The following TRPC6 variants were observed in gnomAD, a reference collection of about 807,000 sequenced individuals.
TRPC6 encodes short transient receptor potential channel 6.
TRPC6 carries 55 observed loss-of-function variants against 90.7 expected under a neutral mutation model. The ratio of observed to expected loss-of-function variants is 0.61; its 90% CI spans 0.49 to 0.76. The LOEUF is 0.76. Among genes scored for constraint, TRPC6 ranks in the 30% least tolerant of loss-of-function variants. The pLI is 0.00. For synonymous variants in TRPC6, 393 were observed against 393.0 expected, an observed-to-expected ratio of 1.00 and a Z score of 0.00; for missense variants, 989 against 1,122.7, an observed-to-expected ratio of 0.88 and a Z score of 1.70.
intron 10 of TRPC6, among the ~76,000 whole-genome samples, chr11:101,466,760 AAAACAAAC>A (rs564013807): frequency 6.6e-6 from 1 of 152,116 alleles, no homozygotes; most frequent in Non-Finnish European, 1.5e-5. Flanking sequence ...GTATGGGGAA[AAAACAAAC>A]AAACAAAAAA....
intron 10 of TRPC6, among the ~76,000 whole-genome samples, chr11:101,457,497 T>G (rs538715272): frequency 5.4e-4 from 83 of 152,330 alleles, no homozygotes; most frequent in African/African-American, 1.8e-3. Flanking sequence ...GAACAGTTCA[T>G]GGAGTCACCT....
intron 1 of TRPC6, among the ~76,000 whole-genome samples, chr11:101,544,305 T>A (rs890528183): frequency 6.6e-6 from 1 of 152,194 alleles, no homozygotes; most frequent in Admixed American, 6.5e-5. Context: ...GTTCAACCAT[T>A]GTGGAATATA....
At chr11:101,472,871 GAGAAA>G (rs1859324602) in intron 7 of TRPC6, among the ~76,000 whole-genome samples, 1 of 152,028 alleles carries the variant, frequency 6.6e-6, no homozygotes, top group Non-Finnish European at 1.5e-5. Flanking sequence ...CTGTATTTTA[GAGAAA>G]TATGGAAAAC....
At chr11:101,508,214 T>C (rs1297798917) in intron 1 of TRPC6, among the ~76,000 whole-genome samples, 2 of 152,158 alleles carry the variant, frequency 1.3e-5, no homozygotes, top group African/African-American at 4.8e-5. Context: ...GTTTGTTTGC[T>C]TTGGTCTCTG....
intron 1 of TRPC6, among the ~76,000 whole-genome samples, chr11:101,577,081 G>C: frequency 6.6e-6 from 1 of 152,174 alleles, no homozygotes; most frequent in African/African-American, 2.4e-5. Flanking sequence ...ACTCCTAATA[G>C]AAGGGGAGCC....
At chr11:101,482,848 T>C in intron 5 of TRPC6, 101 bp downstream of exon 5, 4 of 1,215,166 alleles carry the variant, frequency 3.3e-6, no homozygotes, top group Non-Finnish European at 3.6e-6. Flanking sequence ...CACTGTATCA[T>C]GCTGCATACA....
intron 1 of TRPC6, among the ~76,000 whole-genome samples, chr11:101,513,386 C>A (rs193239963): frequency 1.3e-5 from 2 of 152,242 alleles, no homozygotes; most frequent in Non-Finnish European, 2.9e-5. Flanking sequence ...GCTCTAGATA[C>A]AATAATTTGA....
At chr11:101,522,517 C>A (rs76672375) in intron 1 of TRPC6, among the ~76,000 whole-genome samples, 1,635 of 152,222 alleles carry the variant, frequency 0.011, 37 homozygotes, top group African/African-American at 0.037. Flanking sequence ...AACACAGTCA[C>A]CTTCTCACTA....
chr11:101,518,043 C>T (rs1338436378), intron 1 of TRPC6, among the ~76,000 whole-genome samples: 3 of 152,188 alleles, frequency 2.0e-5, no homozygotes, highest in African/African-American at 4.8e-5. Flanking sequence ...CAATAATCCT[C>T]AGATCTTAGC....
intron 1 of TRPC6, among the ~76,000 whole-genome samples, chr11:101,577,723 T>C (rs1565254440): frequency 6.6e-6 from 1 of 152,148 alleles, no homozygotes; most frequent in Admixed American, 6.5e-5. Flanking sequence ...ATAAATGAGC[T>C]GGAAGAGCAG....
At position 101,472,178 on chromosome 11, in the gene TRPC6, T is replaced by C. The variant is rs192402680; in HGVS notation, c.2164A>G (p.Met722Val). The change falls in exon 8 of 13, where the codon ATG becomes GTG. Residue 722 changes from methionine (M) to valine (V), a missense_variant. By Grantham distance (21) the Met-to-Val change is conservative (BLOSUM62 1). Around this residue, in one of 4 missense-constraint regions of TRPC6, gnomAD observed 118 missense variants for 197.6 expected, o/e 0.60. Transcript: ENST00000344327. The part of the protein sequence containing the change: ...NVTMVIVLLN[M>V]LIAMINSSFQ... ...GAACTGTTGATCATGGCAATTAACA[T>C]ATTTAGCAAAACAATGACCATCGTA... The C allele has an allele frequency of 6.2e-7, 1 of 1,612,178 alleles. No homozygotes were observed. The highest frequency in any genetic ancestry group is 1.7e-5 in the Admixed American group (1 of 59,998).
chr11:101,550,311 T>C (rs547490480), intron 1 of TRPC6, among the ~76,000 whole-genome samples: 4 of 151,702 alleles, frequency 2.6e-5, no homozygotes, highest in African/African-American at 9.6e-5. Context: ...AACACAAGTA[T>C]GATGTTACAT....
intron 1 of TRPC6, among the ~76,000 whole-genome samples, chr11:101,546,703 C>CA (rs1427772872): frequency 4.6e-5 from 7 of 151,872 alleles, no homozygotes; most frequent in Non-Finnish European, 7.4e-5. Context: ...CAGTGGATTT[C>CA]AAAAAAAGTG....
chr11:101,514,180 C>T (rs1860463422), intron 1 of TRPC6, among the ~76,000 whole-genome samples: 1 of 152,108 alleles, frequency 6.6e-6, no homozygotes, highest in Non-Finnish European at 1.5e-5. Flanking sequence ...TTCATTCATT[C>T]ATCAATTCAA....
intron 5 of TRPC6, among the ~76,000 whole-genome samples, chr11:101,481,377 T>G (rs191447226): frequency 7.0e-4 from 106 of 152,346 alleles, no homozygotes; most frequent in African/African-American, 2.4e-3. Flanking sequence ...AAGTACCATC[T>G]GGAATTGAGG....
intron 1 of TRPC6, among the ~76,000 whole-genome samples, chr11:101,575,125 C>T (rs1862043568): frequency 6.6e-6 from 1 of 152,144 alleles, no homozygotes; most frequent in Non-Finnish European, 1.5e-5. Context: ...GTGGTTAAAT[C>T]CCCAGTTTCA....
In TRPC6 at chr11:101,453,707, T is replaced by C. The variant is rs764961245; in HGVS notation, c.2587A>G (p.Ile863Val). The C allele has an allele frequency of 5.0e-6, 8 of 1,613,824 alleles. No individual in the cohort carries two copies. In the South Asian group the frequency reaches 7.7e-5, roughly 16 times the overall value. Residue 863 changes from isoleucine to valine, a missense_variant, in exon 12 of 13, where the codon ATT becomes GTT. Around this residue, in one of 4 missense-constraint regions of TRPC6, gnomAD observed 191 missense variants for 196.7 expected, o/e 0.97. Coordinates refer to ENST00000344327, the MANE Select transcript of TRPC6 (RefSeq NM_004621.6). ...TGGGCCTGCAGTACATATCTTTTAA[T>C]GAGCCTTTTCATTATTTTCTAGAAA... The part of the protein sequence containing the change: ...RQYQKIMKRL[I>V]KRYVLQAQID...
At chr11:101,484,483 A>C (rs1484215644) in intron 4 of TRPC6, among the ~76,000 whole-genome samples, 1 of 152,104 alleles carries the variant, frequency 6.6e-6, no homozygotes, top group Non-Finnish European at 1.5e-5. Context: ...TATGGTTTTC[A>C]AAATAATAAA....
chr11:101,542,509 A>C (rs141772840), intron 1 of TRPC6, among the ~76,000 whole-genome samples: 1,529 of 152,304 alleles, frequency 0.01, 23 homozygotes, highest in African/African-American at 0.035. Context: ...TGATATGCAG[A>C]AACCAAATGA....
Sources: allele counts gnomAD v4.1 joint callset (sites outside exome capture counted in the v4.1 genomes callset), GRCh38; gene constraint gnomAD v4.1.1; regional missense constraint gnomAD v4.1.1; transcripts MANE v1.5; gene names NCBI Gene and HGNC (gene_info 2026-07-23, HGNC 2026-07-21).